Variants in NDRG2 observed in about 807,000 individuals in gnomAD.
NDRG2 encodes the protein protein NDRG2.
Under a neutral mutation model 58.2 loss-of-function variants are expected in NDRG2, and 34 were observed. The ratio of observed to expected loss-of-function variants is 0.58; its 90% CI spans 0.44 to 0.78. The LOEUF (loss-of-function observed/expected upper bound fraction) is 0.78, where lower values mean the gene tolerates loss of function less well. Ranked by LOEUF, NDRG2 falls within the 30% of genes least tolerant of loss-of-function variation. NDRG2 has a pLI of 0.00. For missense variants in NDRG2, 434 were observed against 471.2 expected, an observed-to-expected ratio of 0.92 and a Z score of 0.73; for synonymous variants, 187 against 175.9, an observed-to-expected ratio of 1.06 and a Z score of -0.50.
intron 1 of NDRG2, among the ~76,000 whole-genome samples, chr14:21,040,634 C>A (rs1401818179): frequency 6.6e-6 from 1 of 152,162 alleles, no homozygotes; most frequent in Non-Finnish European, 1.5e-5. Context: ...GTCTCTGGTC[C>A]CTCTCTGAAC....
chr14:21,070,326 C>T lies in NDRG2; in HGVS notation c.24+502G>A. The stretch of plus-strand genomic sequence containing the variant: ...GCCAGACCCGGCGAGACACGAGCGG[C>T]GGGAGGGAGGCGGTGGCGCGCCCGG... On this transcript the variant is annotated intron_variant, in intron 1 of 14. Transcript: ENST00000403829. The surrounding 1 kb of genome is among the most constrained non-coding windows in gnomAD (Gnocchi z 4.7). 2 of 1,389,616 alleles carry T rather than the reference C, an allele frequency of 1.4e-6. No homozygotes were observed. The highest frequency in any genetic ancestry group is 3.2e-5 in the Admixed American group (1 of 31,326). 86.1% of individuals were successfully genotyped at this position (1,389,616 alleles called of 1,614,324 possible).
intron 3 of NDRG2, 103 bp from the exon 4 acceptor site, chr14:21,022,600 A>G: frequency 1.2e-6 from 1 of 810,202 alleles, no homozygotes; most frequent in Non-Finnish European, 2.0e-6. Context: ...CAAGAGGGAA[A>G]AGGGAACAAA....
At chr14:21,069,624 G>A (rs1029731246) in intron 1 of NDRG2, among the ~76,000 whole-genome samples, 3 of 152,154 alleles carry the variant, frequency 2.0e-5, no homozygotes, top group Admixed American at 1.3e-4. Flanking sequence ...CCTAACTCCC[G>A]CACACTCCCG....
At chr14:21,043,325 C>T (rs1351173290) in intron 1 of NDRG2, 1 of 1,614,196 alleles carries the variant, frequency 6.2e-7, no homozygotes, top group African/African-American at 1.3e-5. Flanking sequence ...TGTGTAAGCT[C>T]ACCTCAGGGA....
chr14:21,030,771 A>G, upstream of NDRG2: 1 of 1,612,124 alleles, frequency 6.2e-7, no homozygotes, highest in South Asian at 1.1e-5. Context: ...AGCCAAAAAT[A>G]TGGAGGTGGG....
intron 1 of NDRG2, among the ~76,000 whole-genome samples, chr14:21,040,102 C>T (rs561379016): frequency 3.5e-4 from 53 of 152,212 alleles, no homozygotes; most frequent in Non-Finnish European, 4.7e-4. Context: ...CATGTTTCTA[C>T]GGCAGCAGGG....
At chr14:21,056,325 T>C (rs376407679) in intron 1 of NDRG2, among the ~76,000 whole-genome samples, 3 of 152,200 alleles carry the variant, frequency 2.0e-5, no homozygotes, top group East Asian at 1.9e-4. Flanking sequence ...ACGCTAAATA[T>C]ATATTTACTC....
intron 2 of NDRG2, 91 bp from the exon 3 acceptor site, chr14:21,022,996 A>G (rs1594427350): frequency 2.8e-6 from 4 of 1,419,036 alleles, no homozygotes; most frequent in Non-Finnish European, 3.0e-6. Context: ...GCAAGTAAAG[A>G]CAGACCAACA....
intron 6 of NDRG2, chr14:21,021,170 T>C (rs1428466509): frequency 8.0e-6 from 4 of 501,654 alleles, no homozygotes; most frequent in Admixed American, 2.3e-5. Flanking sequence ...AAGAGCCAGT[T>C]CAACTTGTTC....
At chr14:21,022,581 G>T (rs1211683131) in intron 3 of NDRG2, 84 bp from the exon 4 acceptor site, 1 of 1,002,894 alleles carries the variant, frequency 1.0e-6, no homozygotes, top group Non-Finnish European at 1.5e-6. Context: ...GGAGCTGGGA[G>T]TGGGTGGGCA....
chr14:21,033,724 G>A (rs564252254), intron 1 of NDRG2: 26 of 918,784 alleles, frequency 2.8e-5, no homozygotes, highest in East Asian at 1.9e-4. Flanking sequence ...TGCCTGCCTC[G>A]TAAGTCAGGA....
intron 1 of NDRG2, chr14:21,036,189 A>C: frequency 2.2e-6 from 1 of 456,264 alleles, no homozygotes. Context: ...TTTCTTCCTC[A>C]GTGGATGCTC....
In NDRG2 at chr14:21,068,144, C is replaced by T. The variant is rs1413628546; in HGVS notation, c.24+2684G>A. ...CCTCCCGAGTAGCTGGGACTACAGG[C>T]GCCCGCTACCACGCCCGGCTAATTT... On this transcript the variant is annotated intron_variant, in intron 1 of 14. Transcript: ENST00000403829. Among the ~76,000 whole-genome samples, 26 of 49,166 alleles carry T rather than the reference C, an allele frequency of 5.3e-4. 7 individuals are homozygous for T. The highest frequency in any genetic ancestry group is 1.2e-3 in the African/African-American group (26 of 22,588). 32.3% of individuals were successfully genotyped at this position (49,166 alleles called of 152,430 possible).
rs1477110621 is a variant in NDRG2, at chr14:21,017,857, T to C, written c.950-95A>G. The C allele has an allele frequency of 2.7e-5, 44 of 1,601,750 alleles. No individual in the cohort carries two copies. The East Asian group carries it at 3.1e-4, about 11-fold the overall frequency. On this transcript the variant is annotated intron_variant, in intron 15 of 15. Coordinates refer to ENST00000556147, the MANE Select transcript of NDRG2 (RefSeq NM_001320329.2). The stretch of plus-strand genomic sequence containing the variant: ...TGGTCCTTGGATTATGGACTAGTTA[T>C]AACTAAGCCAGGGGATCAACGAGCT...
At chr14:21,059,637 C>T (rs187001691) in intron 1 of NDRG2, among the ~76,000 whole-genome samples, 171 of 152,066 alleles carry the variant, frequency 1.1e-3, no homozygotes, top group African/African-American at 3.7e-3. Flanking sequence ...TGGGACTACA[C>T]GTGCAAGCAT....
chr14:21,059,512 T>G (rs1304232678), intron 1 of NDRG2, among the ~76,000 whole-genome samples: 1 of 152,106 alleles, frequency 6.6e-6, no homozygotes, highest in Non-Finnish European at 1.5e-5. Context: ...CTTTTTGTTT[T>G]GAGACAGGGT....
At chr14:21,025,105 C>T (rs1365088848), upstream of NDRG2, 4 of 985,326 alleles carry the variant, frequency 4.1e-6, no homozygotes, top group Non-Finnish European at 2.4e-6. The surrounding 1 kb of genome is among the most constrained non-coding windows in gnomAD (Gnocchi z 5.1). Flanking sequence ...CCCGCAGACC[C>T]GCCCCCGGCC....
At position 21,070,269 on chromosome 14, in the gene NDRG2, C is replaced by A. The variant is rs1051254593; in HGVS notation, c.24+559G>T. On this transcript the variant is annotated intron_variant, in intron 1 of 14. Transcript: ENST00000403829. The surrounding 1 kb of genome is among the most constrained non-coding windows in gnomAD (Gnocchi z 4.7). ...CCGCGGCCTGGAAGCCGGAGCGGGC[C>A]GAGCCGCCACCGCGGCCGGAGCTGT... 1.9e-6 allele frequency: 2 copies of A among 1,040,528 alleles called. No individual in the cohort carries two copies. Among genetic ancestry groups the A allele is most frequent in the Non-Finnish European group, 2.4e-6 (2 of 824,740 alleles). The allele number at this position is 1,040,528 out of a possible 1,614,324, so 64.5% of individuals were successfully genotyped here. A position where few individuals can be genotyped will look rare whatever the true frequency, so the allele number is the denominator to read the frequency against.
upstream of NDRG2, among the ~76,000 whole-genome samples, chr14:21,026,181 C>T (rs550286651): frequency 6.6e-6 from 1 of 152,276 alleles, no homozygotes; most frequent in South Asian, 2.1e-4. Flanking sequence ...CTGGAATGAG[C>T]TCTCCTTGTG....
Sources: gnomAD v4.1 joint callset for allele counts (sites outside exome capture counted in the v4.1 genomes callset) on GRCh38, gnomAD v4.1.1 for gene constraint, Gnocchi (gnomAD v3.1) non-coding constraint, MANE v1.5 for transcripts, NCBI Gene and HGNC (gene_info 2026-07-23, HGNC 2026-07-21) for gene names.